The following TRPC6 variants were observed in gnomAD, a reference collection of about 807,000 sequenced individuals.
TRPC6 encodes the protein short transient receptor potential channel 6.
Under a neutral mutation model 90.7 loss-of-function variants are expected in TRPC6, and 55 were observed. The ratio of observed to expected loss-of-function variants is 0.61; its 90% CI spans 0.49 to 0.76. The LOEUF is 0.76. Among genes scored for constraint, TRPC6 ranks in the 30% least tolerant of loss-of-function variants. The pLI, the probability that TRPC6 is intolerant of heterozygous loss-of-function variation, is 0.00. For synonymous variants in TRPC6, 393 were observed against 393.0 expected (o/e 1.00, Z 0.00); for missense variants, 989 against 1,122.7 (o/e 0.88, Z 1.70).
At chr11:101,503,526 ATGTGTGC>A (rs1310586208) in intron 2 of TRPC6, among the ~76,000 whole-genome samples, 1 of 151,982 alleles carries the variant, frequency 6.6e-6, no homozygotes, top group African/African-American at 2.4e-5. Flanking sequence ...TTTTTTATTC[ATGTGTGC>A]ATTTGTCTCT....
intron 1 of TRPC6, among the ~76,000 whole-genome samples, chr11:101,548,789 A>G (rs1007495586): frequency 6.6e-6 from 1 of 152,066 alleles, no homozygotes; most frequent in East Asian, 1.9e-4. Flanking sequence ...TATATTTGCT[A>G]AAATGCAAGA....
At chr11:101,474,689 G>A (rs1859372478) in intron 6 of TRPC6, among the ~76,000 whole-genome samples, 1 of 152,034 alleles carries the variant, frequency 6.6e-6, no homozygotes, top group Non-Finnish European at 1.5e-5. Flanking sequence ...ATGTGATATT[G>A]CCAATAAACT....
At chr11:101,561,081 T>A (rs1473930422) in intron 1 of TRPC6, among the ~76,000 whole-genome samples, 1 of 137,338 alleles carries the variant, frequency 7.3e-6, no homozygotes, top group African/African-American at 2.8e-5. Context: ...TTTTCTTAAA[T>A]TATATTCACA....
At chr11:101,505,681 C>T (rs1227206409) in intron 1 of TRPC6, among the ~76,000 whole-genome samples, 2 of 152,108 alleles carry the variant, frequency 1.3e-5, no homozygotes, top group Admixed American at 1.3e-4. Flanking sequence ...GTGGTCAGAG[C>T]AGTGGCCAGC....
chr11:101,553,578 T>C (rs1212303922), intron 1 of TRPC6, among the ~76,000 whole-genome samples: 2 of 152,172 alleles, frequency 1.3e-5, no homozygotes, highest in Admixed American at 6.6e-5. Context: ...ATACTCTAGA[T>C]TGCTGATCAG....
chr11:101,499,725 G>A (rs1251089314), intron 2 of TRPC6, among the ~76,000 whole-genome samples: 1 of 30,702 alleles, frequency 3.3e-5, no homozygotes, highest in African/African-American at 1.9e-4. Flanking sequence ...TTTATATTGT[G>A]TATATGTGTA....
chr11:101,486,553 T>G (rs1859684016), intron 4 of TRPC6, among the ~76,000 whole-genome samples: 1 of 152,194 alleles, frequency 6.6e-6, no homozygotes, highest in African/African-American at 2.4e-5. Context: ...GTATGACTAT[T>G]CTTATTGTAA....
chr11:101,537,782 A>G (rs1205105536), intron 1 of TRPC6, among the ~76,000 whole-genome samples: 1 of 152,038 alleles, frequency 6.6e-6, no homozygotes, highest in South Asian at 2.1e-4. Flanking sequence ...AAGTCTGATG[A>G]TAATTTACAT....
intron 1 of TRPC6, among the ~76,000 whole-genome samples, chr11:101,535,175 AAAGGAAGG>A (rs199866910): frequency 0.046 from 5,990 of 129,458 alleles, 320 homozygotes; most frequent in East Asian, 0.28. Context: ...GAAAGAAAAG[AAAGGAAGG>A]AAGGAAGGAA....
chr11:101,546,759 A>AT (rs1861316503), intron 1 of TRPC6, among the ~76,000 whole-genome samples: 2 of 152,182 alleles, frequency 1.3e-5, no homozygotes, highest in South Asian at 2.1e-4. Flanking sequence ...TCTATTCATG[A>AT]TTTTTTTAAA....
At chr11:101,531,230 A>C (rs1447864293) in intron 1 of TRPC6, among the ~76,000 whole-genome samples, 1 of 152,148 alleles carries the variant, frequency 6.6e-6, no homozygotes, top group East Asian at 1.9e-4. Context: ...TGTCAATTAC[A>C]CCCTAATAAA....
At chr11:101,539,124 C>G (rs12792271) in intron 1 of TRPC6, among the ~76,000 whole-genome samples, 20,538 of 152,208 alleles carry the variant, frequency 0.13, 1,567 homozygotes, top group African/African-American at 0.19. Flanking sequence ...AACACATCCA[C>G]TTTCATTTGA....
chr11:101,489,647 T>C (rs1202171119), intron 3 of TRPC6, among the ~76,000 whole-genome samples: 1 of 146,540 alleles, frequency 6.8e-6, no homozygotes, highest in African/African-American at 2.6e-5. Flanking sequence ...TTTTTTTTTT[T>C]TGAGGGAATC....
intron 4 of TRPC6, among the ~76,000 whole-genome samples, chr11:101,486,808 G>A (rs1411505234): frequency 6.6e-6 from 1 of 152,098 alleles, no homozygotes; most frequent in Non-Finnish European, 1.5e-5. Flanking sequence ...CAATTTAGCT[G>A]AAGCAATCCC....
intron 4 of TRPC6, among the ~76,000 whole-genome samples, chr11:101,487,674 AGAT>A (rs2136699528): frequency 6.6e-6 from 1 of 152,298 alleles, no homozygotes; most frequent in South Asian, 2.1e-4. Flanking sequence ...TCTGTACTAC[AGAT>A]GTCATTTCTA....
intron 1 of TRPC6, among the ~76,000 whole-genome samples, chr11:101,564,537 TA>T (rs1235799052): frequency 2.0e-5 from 3 of 152,080 alleles, no homozygotes; most frequent in African/African-American, 7.2e-5. Context: ...CTCCTGAATT[TA>T]AAAAGAGATG....
intron 10 of TRPC6, among the ~76,000 whole-genome samples, chr11:101,457,046 T>C (rs564898685): frequency 6.6e-6 from 1 of 152,300 alleles, no homozygotes; most frequent in African/African-American, 2.4e-5. Context: ...AATTATTTAA[T>C]GTCTGGAAAT....
intron 1 of TRPC6, among the ~76,000 whole-genome samples, chr11:101,514,776 T>G (rs968081116): frequency 1.3e-5 from 2 of 152,326 alleles, no homozygotes; most frequent in East Asian, 3.9e-4. Flanking sequence ...CCAAAAGGTT[T>G]TGTTCTGAAG....
intron 3 of TRPC6, among the ~76,000 whole-genome samples, chr11:101,490,678 A>T (rs1859783678): frequency 6.6e-6 from 1 of 151,970 alleles, no homozygotes; most frequent in African/African-American, 2.4e-5. Flanking sequence ...CTGGTCTCCA[A>T]CTCCTGACCT....
Sources: allele counts gnomAD v4.1 joint callset (sites outside exome capture counted in the v4.1 genomes callset), GRCh38; gene constraint gnomAD v4.1.1; transcripts MANE v1.5; gene names NCBI Gene and HGNC (gene_info 2026-07-23, HGNC 2026-07-21).